The following ENPEP variants were observed in gnomAD, a reference collection of about 807,000 sequenced individuals.
The protein encoded by ENPEP is AP-A.
Under a neutral mutation model 114.5 loss-of-function variants are expected in ENPEP, and 103 were observed. The ratio of observed to expected loss-of-function variants is 0.90; its 90% CI spans 0.77 to 1.06. The LOEUF (loss-of-function observed/expected upper bound fraction) is 1.06. Among genes scored for constraint, ENPEP ranks in the 50% least tolerant of loss-of-function variants. ENPEP has a pLI of 0.00. For missense variants in ENPEP, 1,196 were observed against 1,161.3 expected (o/e 1.03, Z -0.43); for synonymous variants, 420 against 422.0 (o/e 1.00, Z 0.06).
chr4:110,512,518 A>G (rs1031226349), intron 6 of ENPEP: 6 of 152,232 alleles, frequency 3.9e-5, no homozygotes, highest in African/African-American at 1.4e-4. Context: ...TGAAACCCGC[A>G]TAATTGGAAA....
At chr4:110,515,606 G>T in intron 8 of ENPEP, 164 bp downstream of exon 8, 1 of 632,778 alleles carries the variant, frequency 1.6e-6, no homozygotes, top group Non-Finnish European at 2.8e-6. Context: ...ATCCAATTGA[G>T]TACCTACATT....
At chr4:110,515,591 T>A (rs770852366) in intron 8 of ENPEP, 149 bp downstream of exon 8, 65 of 663,496 alleles carry the variant, frequency 9.8e-5, no homozygotes, top group Non-Finnish European at 1.6e-4. Context: ...AAAACATGAT[T>A]TTACATCCAA....
In ENPEP at chr4:110,553,408, C is replaced by T. The variant is rs1727363073; in HGVS notation, c.2595C>T (p.Asn865=). 11 of 1,611,250 alleles carry T rather than the reference C, an allele frequency of 6.8e-6. No individual in the cohort carries two copies. Among genetic ancestry groups the T allele is most frequent in the Non-Finnish European group, 9.3e-6 (11 of 1,178,114 alleles). Residue 865 remains asparagine, a synonymous_variant, in exon 18 of 20, where the codon AAC becomes AAT. Coordinates refer to ENST00000265162, the MANE Select transcript of ENPEP (RefSeq NM_001977.4). The part of the protein sequence containing the change: ...RYISYNSYGK[N]MAWNWIQLNW... ...TCTCATATAACAGCTATGGGAAGAACATGGCCTGGAATTGGATACAACTCA... is the reference window on the plus strand; with the variant it reads ...TCTCATATAACAGCTATGGGAAGAATATGGCCTGGAATTGGATACAACTCA...
chr4:110,519,399 G>A (rs1725898618), intron 8 of ENPEP: 2 of 172,050 alleles, frequency 1.2e-5, no homozygotes, highest in South Asian at 2.8e-4. Flanking sequence ...CAGGAACTTA[G>A]GAAAGTTTAC....
intron 11 of ENPEP, chr4:110,533,020 C>A: frequency 2.4e-6 from 1 of 420,194 alleles, no homozygotes; most frequent in Admixed American, 2.6e-5. Context: ...GTTAGAATTC[C>A]ACTGGAAGGT....
chr4:110,521,342 G>A (rs966623133), intron 10 of ENPEP, among the ~76,000 whole-genome samples: 1 of 151,732 alleles, frequency 6.6e-6, no homozygotes, highest in Non-Finnish European at 1.5e-5. Flanking sequence ...TCACAACACT[G>A]CACTCCAGCC....
intron 1 of ENPEP, among the ~76,000 whole-genome samples, chr4:110,478,221 A>T (rs1013868473): frequency 6.6e-6 from 1 of 152,254 alleles, no homozygotes; most frequent in African/African-American, 2.4e-5. Context: ...CTAAAACAAA[A>T]CATTTAAATA....
intron 5 of ENPEP, 117 bp downstream of exon 5, chr4:110,509,924 A>G (rs1279934628): frequency 3.7e-6 from 5 of 1,337,190 alleles, no homozygotes; most frequent in Non-Finnish European, 5.0e-6. Context: ...AAAAACTTGC[A>G]TGAAAATCTT....
rs1724684829 is a variant in ENPEP at position 110,490,973 on chromosome 4, G to A, written c.787-60G>A. 2.0e-5 allele frequency: 31 copies of A among 1,546,116 alleles called. 1 individual carries two copies. In the South Asian group the frequency reaches 3.7e-4, roughly 18 times the overall value. Reference sequence around the variant, plus strand: ...GTTTGGGGCAACCGTTTATTTGTTTGTCTTGCATATATATGATTGATATTT... The same window carrying A: ...GTTTGGGGCAACCGTTTATTTGTTTATCTTGCATATATATGATTGATATTT... On this transcript the variant is annotated intron_variant, in intron 2 of 19. Coordinates refer to ENST00000265162, the MANE Select transcript of ENPEP (RefSeq NM_001977.4).
Position 110,563,304 on chromosome 4 carries a change from G to T in ENPEP, c.*1746G>T, listed in dbSNP as rs1727734182. 1 of 152,096 alleles carries T rather than the reference G, an allele frequency of 6.6e-6. No individual in the cohort carries two copies. The highest frequency in any genetic ancestry group is 1.5e-5 in the Non-Finnish European group (1 of 67,990). 9.4% of individuals were successfully genotyped at this position (152,096 alleles called of 1,614,324 possible). On this transcript the variant is annotated 3_prime_UTR_variant, in exon 20 of 20. Coordinates refer to ENST00000265162, the MANE Select transcript of ENPEP (RefSeq NM_001977.4). Reference sequence around the variant, plus strand: ...AAAAGAAAAATGTTAGTTTAAGGGGGTGGTAAATAAAACAGATTTCAACTT... The same window carrying T: ...AAAAGAAAAATGTTAGTTTAAGGGGTTGGTAAATAAAACAGATTTCAACTT...
intron 13 of ENPEP, among the ~76,000 whole-genome samples, chr4:110,545,050 G>A (rs1173189190): frequency 6.6e-6 from 1 of 152,060 alleles, no homozygotes; most frequent in East Asian, 1.9e-4. Context: ...ATTGGTTAGA[G>A]CCAAGAGGGC....
chr4:110,528,468 T>C (rs922557839), intron 10 of ENPEP, among the ~76,000 whole-genome samples: 3 of 152,240 alleles, frequency 2.0e-5, no homozygotes, highest in Non-Finnish European at 4.4e-5. Context: ...GTAGACAGTG[T>C]GGCCAGTTAA....
intron 11 of ENPEP, among the ~76,000 whole-genome samples, chr4:110,535,974 A>T (rs765204617): frequency 1.3e-5 from 2 of 151,848 alleles, no homozygotes; most frequent in African/African-American, 2.4e-5. Context: ...TTTTTTATAC[A>T]TAGCTGCCTG....
At chr4:110,541,517 T>C (rs1395168856) in intron 11 of ENPEP, among the ~76,000 whole-genome samples, 1 of 152,162 alleles carries the variant, frequency 6.6e-6, no homozygotes, top group East Asian at 1.9e-4. Context: ...TCATCCTCTA[T>C]TGCCCTACAT....
chr4:110,489,388 A>T (rs537421054), intron 2 of ENPEP, among the ~76,000 whole-genome samples: 1 of 152,228 alleles, frequency 6.6e-6, no homozygotes, highest in East Asian at 1.9e-4. Context: ...GGAGGGGAAC[A>T]TCAACACCAA....
chr4:110,506,710 A>T lies in ENPEP; in HGVS notation c.992A>T (p.Asp331Val). The T allele has an allele frequency of 6.2e-7, 1 of 1,608,864 alleles. No homozygotes were observed. Among genetic ancestry groups the T allele is most frequent in the Non-Finnish European group, 8.5e-7 (1 of 1,175,922 alleles). ...YAANITKSVF[D>V]YFEEYFAMNY... ...GCAAACATAACTAAAAGTGTGTTTG[A>T]TTATTTTGAAGAATACTTTGCTATG... Residue 331 changes from aspartate to valine, a missense_variant, in exon 4 of 20, where the codon GAT becomes GTT. Transcript: ENST00000265162.
chr4:110,557,467 G>T (rs1457891070), intron 18 of ENPEP, among the ~76,000 whole-genome samples: 1 of 152,212 alleles, frequency 6.6e-6, no homozygotes, highest in East Asian at 1.9e-4. Flanking sequence ...GGGAACAGAG[G>T]TTTTTAAAGA....
Position 110,520,318 on chromosome 4 carries a change from T to G in ENPEP, c.1679T>G (p.Phe560Cys). The change falls in exon 10 of 20, where the codon TTT (phenylalanine) becomes TGT (cysteine). Residue 560 changes from phenylalanine to cysteine, a missense_variant. Coordinates refer to ENST00000265162, the MANE Select transcript of ENPEP (RefSeq NM_001977.4). ...NGVKNITQKR[F>C]LLDPRANPSQ... Reference sequence around the variant, plus strand: ...GTCAAGAACATCACACAGAAACGCTTTTTGTTGGACCCAAGAGCTAACCCT... The same window carrying G: ...GTCAAGAACATCACACAGAAACGCTGTTTGTTGGACCCAAGAGCTAACCCT... The G allele has an allele frequency of 6.2e-7, 1 of 1,614,054 alleles. No homozygotes were observed. Among genetic ancestry groups the G allele is most frequent in the Non-Finnish European group, 8.5e-7 (1 of 1,179,980 alleles).
intron 17 of ENPEP, among the ~76,000 whole-genome samples, chr4:110,552,421 T>C (rs952495419): frequency 6.6e-6 from 1 of 152,176 alleles, no homozygotes; most frequent in Non-Finnish European, 1.5e-5. Flanking sequence ...AAATACCTTT[T>C]CTGTTTGACA....
Sources: gnomAD v4.1 joint callset for allele counts (sites outside exome capture counted in the v4.1 genomes callset) on GRCh38, gnomAD v4.1.1 for gene constraint, MANE v1.5 for transcripts, NCBI Gene and HGNC (gene_info 2026-07-23, HGNC 2026-07-21) for gene names.